Variants in SH2D4A observed in about 807,000 individuals in gnomAD.
The protein encoded by SH2D4A is SH2 domain containing 4A.
Under a neutral mutation model 64.7 loss-of-function variants are expected in SH2D4A, and 70 were observed. The ratio of observed to expected loss-of-function variants is 1.08; its 90% CI spans 0.89 to 1.32. SH2D4A has a LOEUF of 1.32. SH2D4A is among the 40% of genes most tolerant of loss of function. SH2D4A has a pLI of 0.00. For missense variants in SH2D4A, 706 were observed against 540.1 expected (o/e 1.31, Z -3.04); for synonymous variants, 268 against 200.7 (o/e 1.34, Z -2.83).
rs755614590 is a variant in SH2D4A at position 19,334,855 on chromosome 8, C to T, written c.511C>T (p.Arg171Ter). The part of the protein sequence containing the change: ...PAPTLEEEKI[R>*]SLSSSSRNIQ... ...ACCAACCCTGGAAGAAGAGAAAATC[C>T]GAGTGAGTCCTTACTGTCTGTAGAC... The change falls in exon 4 of 10, where the codon CGA becomes TGA. Residue 171 changes from arginine (R) to a stop codon, truncating the protein, a stop_gained and splice_region_variant. Transcript: ENST00000265807. LOFTEE classifies it high-confidence loss of function. 30 of 1,603,192 alleles carry T rather than the reference C, an allele frequency of 1.9e-5. No homozygotes were observed. The highest frequency in any genetic ancestry group is 3.5e-5 in the Admixed American group (2 of 56,942).
intron 8 of SH2D4A, among the ~76,000 whole-genome samples, chr8:19,382,694 A>G (rs1263929560): frequency 6.6e-6 from 1 of 152,104 alleles, no homozygotes; most frequent in Non-Finnish European, 1.5e-5. Flanking sequence ...GTTGAGGAGC[A>G]TCTTTATTGG....
intron 7 of SH2D4A, among the ~76,000 whole-genome samples, chr8:19,367,470 T>G (rs989733339): frequency 6.6e-6 from 1 of 152,212 alleles, no homozygotes; most frequent in Non-Finnish European, 1.5e-5. Flanking sequence ...ATTGTGGTTT[T>G]GATGTGCATT....
rs2052144622 is a variant in SH2D4A at position 19,319,328 on chromosome 8, C to G, written c.-204-16C>G. On this transcript the variant is annotated splice_polypyrimidine_tract_variant and intron_variant, in intron 1 of 9. Coordinates refer to ENST00000265807, the MANE Select transcript of SH2D4A (RefSeq NM_022071.4). ...TTTTAACACGCTGCCTGAATGTGGGCTCTTTCTCTCTGCAGGTTCAGTGAA... is the reference window on the plus strand; with the variant it reads ...TTTTAACACGCTGCCTGAATGTGGGGTCTTTCTCTCTGCAGGTTCAGTGAA... 2.5e-6 allele frequency: 3 copies of G among 1,202,426 alleles called. No homozygotes were observed. In the South Asian group the frequency reaches 1.3e-4, roughly 50 times the overall value. 74.5% of individuals were successfully genotyped at this position (1,202,426 alleles called of 1,614,324 possible).
chr8:19,382,903 T>C (rs1356066404), intron 8 of SH2D4A, among the ~76,000 whole-genome samples: 5 of 141,614 alleles, frequency 3.5e-5, no homozygotes, highest in African/African-American at 1.3e-4. Flanking sequence ...TGATCTTGAC[T>C]CGCTACAGCC....
rs745615518 is a variant in SH2D4A at position 19,388,542 on chromosome 8, A to G, written c.1049-4776A>G. 6.6e-5 allele frequency among the ~76,000 whole-genome samples: 10 copies of G among 152,328 alleles called. 1 individual carries two copies. Among genetic ancestry groups the G allele is most frequent in the South Asian group, 2.1e-4 (1 of 4,832 alleles). Reference sequence around the variant, plus strand: ...ATTTGAGGATAATAACAATATATCTATGTAGGGTTGCGGTGAGGATAAAAG... The same window carrying G: ...ATTTGAGGATAATAACAATATATCTGTGTAGGGTTGCGGTGAGGATAAAAG... On this transcript the variant is annotated intron_variant, in intron 8 of 9. Coordinates refer to ENST00000265807, the MANE Select transcript of SH2D4A (RefSeq NM_022071.4).
chr8:19,378,014 C>A (rs10095504), intron 8 of SH2D4A, among the ~76,000 whole-genome samples: 1 of 152,020 alleles, frequency 6.6e-6, no homozygotes, highest in African/African-American at 2.4e-5. Flanking sequence ...ACAATGGAAT[C>A]TTCTTATTTT....
rs182424387 is a variant in SH2D4A, at chr8:19,394,823, A to C, written c.*181A>C. The C allele has an allele frequency of 2.4e-6, 1 of 409,304 alleles. No individual in the cohort carries two copies. The highest frequency in any genetic ancestry group is 2.0e-5 in the African/African-American group (1 of 49,146). 25.4% of individuals were successfully genotyped at this position (409,304 alleles called of 1,614,324 possible). The stretch of plus-strand genomic sequence containing the variant: ...TTTTCTGCACAAATACTGGAATTCA[A>C]TGTCAAGAGAAAATGACCTCTGCTC... On this transcript the variant is annotated 3_prime_UTR_variant, in exon 10 of 10. Coordinates refer to ENST00000265807, the MANE Select transcript of SH2D4A (RefSeq NM_022071.4).
intron 4 of SH2D4A, among the ~76,000 whole-genome samples, chr8:19,352,926 C>T (rs955615550): frequency 1.3e-5 from 2 of 152,128 alleles, no homozygotes; most frequent in African/African-American, 2.4e-5. Flanking sequence ...GGGAGGATCA[C>T]TTGAGCCCAG....
At chr8:19,377,790 G>A (rs191376366) in intron 8 of SH2D4A, among the ~76,000 whole-genome samples, 2 of 151,796 alleles carry the variant, frequency 1.3e-5, no homozygotes, top group African/African-American at 2.4e-5. Context: ...AACATGTCTC[G>A]CTGTAAACAC....
chr8:19,317,383 C>A (rs1301597561), intron 1 of SH2D4A, among the ~76,000 whole-genome samples: 1 of 135,556 alleles, frequency 7.4e-6, no homozygotes, highest in Non-Finnish European at 1.5e-5. Context: ...GCAAGTGGAT[C>A]TGGGAAGGGC....
chr8:19,334,577 G>A, intron 3 of SH2D4A, 109 bp from the exon 4 acceptor site: 1 of 1,175,258 alleles, frequency 8.5e-7, no homozygotes, highest in South Asian at 1.6e-5. Context: ...CACTCAGTAA[G>A]TGGTGTCAGT....
chr8:19,382,196 C>T (rs2053305155), intron 8 of SH2D4A, among the ~76,000 whole-genome samples: 1 of 152,140 alleles, frequency 6.6e-6, no homozygotes, highest in Non-Finnish European at 1.5e-5. Context: ...TGGTAACAAA[C>T]TTCCTTAGCT....
At position 19,313,976 on chromosome 8, in the gene SH2D4A, C is replaced by A. The variant is rs965089345; in HGVS notation, c.-205+153C>A. The A allele has an allele frequency of 2.4e-6, 3 of 1,251,308 alleles. No individual in the cohort carries two copies. The African/African-American group carries it at 4.7e-5, about 20-fold the overall frequency. The allele number at this position is 1,251,308 out of a possible 1,614,324, so 77.5% of individuals were successfully genotyped here. ...CCTCACCCCCGCCTCCACCCCTTCG[C>A]GGCGCCCGGGGCGGGCTCAGGTGCG... On this transcript the variant is annotated intron_variant, in intron 1 of 9. Transcript: ENST00000265807.
chr8:19,323,360 T>G (rs575963117), intron 2 of SH2D4A, among the ~76,000 whole-genome samples: 43 of 152,144 alleles, frequency 2.8e-4, no homozygotes, highest in Non-Finnish European at 5.4e-4. Context: ...GTAAAATACT[T>G]AATTTCACCT....
chr8:19,384,049 C>G (rs2053343764), intron 8 of SH2D4A, among the ~76,000 whole-genome samples: 1 of 152,192 alleles, frequency 6.6e-6, no homozygotes, highest in African/African-American at 2.4e-5. Context: ...CTCTCCTGTT[C>G]CCCTTTCTTT....
Position 19,364,155 on chromosome 8 carries a change from G to GA in SH2D4A, c.790_791insA (p.Ala264AspfsTer8). The GA allele has an allele frequency of 1.2e-6, 2 of 1,614,070 alleles. No homozygotes were observed. The highest frequency in any genetic ancestry group is 1.7e-6 in the Non-Finnish European group (2 of 1,179,974). On this transcript the variant is annotated frameshift_variant, in exon 7 of 10. Transcript: ENST00000265807. LOFTEE classifies it high-confidence loss of function. ...AGACTACAAGAGGTTATCCCTCGGGGCCCAGAAAGGAAGAGGCGGTGAGAG... is the reference window on the plus strand; with the variant it reads ...AGACTACAAGAGGTTATCCCTCGGGGACCCAGAAAGGAAGAGGCGGTGAGAG...
chr8:19,387,393 A>C (rs1662110546), intron 8 of SH2D4A, among the ~76,000 whole-genome samples: 1 of 150,550 alleles, frequency 6.6e-6, no homozygotes, highest in Non-Finnish European at 1.5e-5. Context: ...ACACCACCAC[A>C]CCCAGCTAAT....
At chr8:19,369,195 G>GA (rs1222142490) in intron 7 of SH2D4A, among the ~76,000 whole-genome samples, 2 of 152,270 alleles carry the variant, frequency 1.3e-5, no homozygotes, top group African/African-American at 4.8e-5. Context: ...TGAACATGGT[G>GA]AAGGATGTTT....
At chr8:19,380,657 A>G (rs763471539) in intron 8 of SH2D4A, among the ~76,000 whole-genome samples, 16 of 152,214 alleles carry the variant, frequency 1.1e-4, no homozygotes, top group Non-Finnish European at 2.2e-4. Flanking sequence ...TGGTGTTAGC[A>G]CCTTTGTCAA....
Sources: allele counts gnomAD v4.1 joint callset (sites outside exome capture counted in the v4.1 genomes callset), GRCh38; gene constraint gnomAD v4.1.1; transcripts MANE v1.5; gene names NCBI Gene and HGNC (gene_info 2026-07-23, HGNC 2026-07-21).